Variants in UBE2H observed in about 807,000 individuals in gnomAD.
UBE2H encodes ubiquitin-conjugating enzyme E2 H.
A neutral mutation model predicts 29.0 loss-of-function variants in UBE2H; 3 were observed. That is an observed-to-expected ratio of 0.10 (90% CI 0.05 to 0.27). UBE2H has a LOEUF of 0.27. Ranked by LOEUF, UBE2H falls within the 10% of genes least tolerant of loss-of-function variation. The pLI is 1.00. For missense variants in UBE2H, 68 were observed against 228.2 expected, an observed-to-expected ratio of 0.30 and a Z score of 4.52; for synonymous variants, 69 against 82.9, an observed-to-expected ratio of 0.83 and a Z score of 0.91.
At chr7:129,895,292 G>C (rs1806577802) in intron 1 of UBE2H, among the ~76,000 whole-genome samples, 1 of 152,142 alleles carries the variant, frequency 6.6e-6, no homozygotes, top group Admixed American at 6.6e-5. Flanking sequence ...GGAAGACCTA[G>C]ACCTGCAAAT....
intron 1 of UBE2H, among the ~76,000 whole-genome samples, chr7:129,932,797 AG>A (rs1563050964): frequency 1.4e-5 from 2 of 139,168 alleles, no homozygotes. Context: ...AAAAAAAAAA[AG>A]TCCTGTCAGA....
intron 6 of UBE2H, among the ~76,000 whole-genome samples, chr7:129,836,340 C>T (rs1805324199): frequency 6.6e-6 from 1 of 152,108 alleles, no homozygotes; most frequent in South Asian, 2.1e-4. Context: ...TAAGTACTTA[C>T]TAGGACAAGG....
intron 1 of UBE2H, among the ~76,000 whole-genome samples, chr7:129,910,282 T>C (rs1806905681): frequency 6.6e-6 from 1 of 150,778 alleles, no homozygotes; most frequent in East Asian, 2.0e-4. Flanking sequence ...TGAACGGAGA[T>C]TGCACCACTG....
chr7:129,942,139 G>C (rs531671785), intron 1 of UBE2H, among the ~76,000 whole-genome samples: 2 of 144,550 alleles, frequency 1.4e-5, no homozygotes, highest in African/African-American at 5.2e-5. Context: ...TCAGAATCCG[G>C]AAGTTCGAGG....
intron 1 of UBE2H, among the ~76,000 whole-genome samples, chr7:129,921,001 A>G (rs1807150930): frequency 1.0e-3 from 1 of 994 alleles, no homozygotes; most frequent in Admixed American, 0.062. Flanking sequence ...TCTGCCTCTA[A>G]AAAAAAAAAG....
rs2116365680 is a variant in UBE2H at position 129,878,200 on chromosome 7, C to T, written c.205+1368G>A. On this transcript the variant is annotated intron_variant, in intron 3 of 6. Coordinates refer to ENST00000355621, the MANE Select transcript of UBE2H (RefSeq NM_003344.4). ...ATACGTTTCTACACCTATACAGGTG[C>T]TAAGTCAGATGTGCTCGGGGGCTGT... Among the ~76,000 whole-genome samples, 2 of 152,236 alleles carry T rather than the reference C, an allele frequency of 1.3e-5. 1 individual carries two copies. The highest frequency in any genetic ancestry group is 4.1e-4 in the South Asian group (2 of 4,824).
intron 1 of UBE2H, among the ~76,000 whole-genome samples, chr7:129,942,589 C>T (rs905869652): frequency 6.6e-6 from 1 of 152,160 alleles, no homozygotes; most frequent in African/African-American, 2.4e-5. Context: ...GTTCCTTTCA[C>T]CTGAGTTTAT....
chr7:129,950,848 A>C (rs901331719), intron 1 of UBE2H, among the ~76,000 whole-genome samples: 1 of 152,242 alleles, frequency 6.6e-6, no homozygotes, highest in Non-Finnish European at 1.5e-5. Context: ...CATTACTGGT[A>C]TCATTCACAC....
At chr7:129,853,599 A>G (rs1805647479) in intron 5 of UBE2H, among the ~76,000 whole-genome samples, 2 of 152,242 alleles carry the variant, frequency 1.3e-5, no homozygotes, top group Admixed American at 1.3e-4. Flanking sequence ...TAAATAATAC[A>G]AAATTAAAAA....
intron 1 of UBE2H, among the ~76,000 whole-genome samples, chr7:129,931,112 G>GGAGGCT (rs1239622252): frequency 6.6e-6 from 1 of 151,858 alleles, no homozygotes; most frequent in Non-Finnish European, 1.5e-5. Context: ...CAGCTACTTG[G>GGAGGCT]GAGGCTGAGG....
rs561504683 is a variant in UBE2H, at chr7:129,924,606, C to A, written c.53+27897G>T. 3.2e-3 allele frequency among the ~76,000 whole-genome samples: 424 copies of A among 133,826 alleles called. 1 individual carries two copies. The highest frequency in any genetic ancestry group is 0.018 in the Middle Eastern group (5 of 274). 87.8% of individuals were successfully genotyped at this position (133,826 alleles called of 152,430 possible). On this transcript the variant is annotated intron_variant, in intron 1 of 6. Transcript: ENST00000355621. ...CCAGGTATACATATGGTTGTGAAGG[C>A]CTTTTACATTCACACACACACACAC... is the stretch of plus-strand genomic sequence containing the variant.
rs1489955130 is a variant in UBE2H, at chr7:129,832,806, ATTTT to A, written c.*2127_*2130del. The A allele has an allele frequency of 1.3e-5, 2 of 152,104 alleles. No homozygotes were observed. The highest frequency in any genetic ancestry group is 2.4e-5 in the African/African-American group (1 of 41,430). The allele number at this position is 152,104 out of a possible 1,614,324, so 9.4% of individuals were successfully genotyped here. A position where few individuals can be genotyped will look rare whatever the true frequency, so the allele number is the denominator to read the frequency against. On this transcript the variant is annotated 3_prime_UTR_variant, in exon 7 of 7. Transcript: ENST00000355621. ...GTTTATACAATATTGAAAAAATACA[ATTTT>A]TTATTGTTTGAACTCAAATCACCAC... is the stretch of plus-strand genomic sequence containing the variant.
chr7:129,858,912 T>C lies in UBE2H; in HGVS notation c.235A>G (p.Ile79Val). 6.2e-7 allele frequency: 1 copy of C among 1,611,062 alleles called. No homozygotes were observed. Among genetic ancestry groups the C allele is most frequent in the Non-Finnish European group, 8.5e-7 (1 of 1,178,342 alleles). ...GFMNKIFHPN[I>V]DEASGTVCLD... ...AAAATAGTTACTTACGCTTCATCAATGTTGGGATGGAAAATTTTATTCATG... is the reference window on the plus strand; with the variant it reads ...AAAATAGTTACTTACGCTTCATCAACGTTGGGATGGAAAATTTTATTCATG... Residue 79 changes from isoleucine (I) to valine (V), a missense_variant, in exon 4 of 7, where the codon ATT (isoleucine) becomes GTT (valine). Ile to Val is a conservative substitution (Grantham distance 29). Transcript: ENST00000355621.
chr7:129,852,414 C>T (rs1195756129), intron 5 of UBE2H, among the ~76,000 whole-genome samples: 1 of 151,700 alleles, frequency 6.6e-6, no homozygotes, highest in East Asian at 1.9e-4. Context: ...TCGCAGTGAA[C>T]TGAGATCGTG....
chr7:129,932,090 G>A (rs1807415566), intron 1 of UBE2H, among the ~76,000 whole-genome samples: 1 of 150,756 alleles, frequency 6.6e-6, no homozygotes, highest in Admixed American at 6.6e-5. Context: ...CCAAAGTGCT[G>A]GGATTACAAG....
intron 1 of UBE2H, among the ~76,000 whole-genome samples, chr7:129,915,177 C>T (rs914679791): frequency 8.5e-5 from 13 of 152,178 alleles, no homozygotes; most frequent in Admixed American, 3.3e-4. Flanking sequence ...ACAAAAACCA[C>T]GGGCTTGGCT....
intron 1 of UBE2H, among the ~76,000 whole-genome samples, chr7:129,946,904 C>A (rs1450853996): frequency 6.6e-6 from 1 of 152,150 alleles, no homozygotes; most frequent in African/African-American, 2.4e-5. Context: ...AACATTATAA[C>A]GTAATGTAAG....
intron 1 of UBE2H, 77 bp from the exon 2 acceptor site, chr7:129,881,048 C>T: frequency 2.3e-6 from 3 of 1,315,546 alleles, no homozygotes; most frequent in South Asian, 1.4e-5. Flanking sequence ...CAGGCATATG[C>T]CACTTAAAGT....
chr7:129,946,417 C>T (rs1172182221), intron 1 of UBE2H, among the ~76,000 whole-genome samples: 1 of 152,046 alleles, frequency 6.6e-6, no homozygotes, highest in Admixed American at 6.6e-5. Context: ...AAAAACAGGG[C>T]AGACACATAC....
Sources: gnomAD v4.1 joint callset for allele counts (sites outside exome capture counted in the v4.1 genomes callset) on GRCh38, gnomAD v4.1.1 for gene constraint, MANE v1.5 for transcripts, NCBI Gene and HGNC (gene_info 2026-07-23, HGNC 2026-07-21) for gene names.